Variants in VAV2 observed in about 807,000 individuals in gnomAD.
VAV2 encodes the protein guanine nucleotide exchange factor VAV2.
Under a neutral mutation model 132.5 loss-of-function variants are expected in VAV2, and 67 were observed. That is an observed-to-expected ratio of 0.51 (90% confidence interval 0.42 to 0.62). The LOEUF is 0.62. VAV2 is among the 20% of genes least tolerant of loss of function. The pLI is 0.00. For synonymous variants in VAV2, 492 were observed against 443.5 expected, an observed-to-expected ratio of 1.11 and a Z score of -1.37; for missense variants, 938 against 1,153.6, an observed-to-expected ratio of 0.81 and a Z score of 2.71.
intron 3 of VAV2, among the ~76,000 whole-genome samples, chr9:133,837,359 A>G (rs1836510916): frequency 6.6e-6 from 1 of 152,236 alleles, no homozygotes; most frequent in Non-Finnish European, 1.5e-5. Context: ...TTCCTAACAC[A>G]GAAAGTGAGT....
At chr9:133,799,960 C>G (rs1350330317) in intron 9 of VAV2, among the ~76,000 whole-genome samples, 1 of 152,168 alleles carries the variant, frequency 6.6e-6, no homozygotes, top group Non-Finnish European at 1.5e-5. Context: ...AGAGAATGGT[C>G]AGAGCCATGC....
At chr9:133,819,644 G>A (rs2131727916) in intron 4 of VAV2, among the ~76,000 whole-genome samples, 1 of 152,238 alleles carries the variant, frequency 6.6e-6, no homozygotes, top group South Asian at 2.1e-4. Context: ...CACACCCTTA[G>A]GCTCCCTTCC....
At position 133,772,054 on chromosome 9, in the gene VAV2, AAC is replaced by A. The variant is rs1833645330; in HGVS notation, c.2136-10_2136-9del. 5.6e-6 allele frequency: 6 copies of A among 1,077,268 alleles called. No homozygotes were observed. The highest frequency in any genetic ancestry group is 2.5e-5 in the Admixed American group (1 of 39,492). The allele number at this position is 1,077,268 out of a possible 1,614,324, so 66.7% of individuals were successfully genotyped here. Reference sequence around the variant, plus strand: ...TTCACCTCATCATTGAACCTGAGCAAACACACGGCCCCGGCGGTCACCGCGTG... The same window carrying A: ...TTCACCTCATCATTGAACCTGAGCAAACACGGCCCCGGCGGTCACCGCGTG... On this transcript the variant is annotated splice_polypyrimidine_tract_variant and intron_variant, in intron 25 of 29. Coordinates refer to ENST00000371850, the MANE Select transcript of VAV2 (RefSeq NM_001134398.2).
At chr9:133,956,235 A>C (rs1381524256) in intron 1 of VAV2, among the ~76,000 whole-genome samples, 1 of 152,050 alleles carries the variant, frequency 6.6e-6, no homozygotes, top group Non-Finnish European at 1.5e-5. Flanking sequence ...CAGGTCTGCA[A>C]GTCAGGAACT....
At chr9:133,881,966 C>T (rs1344820886) in intron 2 of VAV2, among the ~76,000 whole-genome samples, 2 of 152,160 alleles carry the variant, frequency 1.3e-5, no homozygotes, top group Non-Finnish European at 2.9e-5. Context: ...AGGTGCCCAG[C>T]GAGTGTGCGG....
intron 29 of VAV2, among the ~76,000 whole-genome samples, chr9:133,767,375 C>T (rs1401230155): frequency 3.9e-5 from 6 of 152,138 alleles, no homozygotes; most frequent in Admixed American, 6.5e-5. Flanking sequence ...AAAGAAAAGA[C>T]GTTTCATAAT....
intron 4 of VAV2, among the ~76,000 whole-genome samples, chr9:133,831,177 T>C (rs1209742905): frequency 6.6e-6 from 1 of 152,116 alleles, no homozygotes; most frequent in Non-Finnish European, 1.5e-5. Context: ...GGCTCACGCC[T>C]GTAATCTCAG....
In VAV2 at chr9:133,885,507, C is replaced by T. The variant is rs1045067384; in HGVS notation, c.322-24075G>A. On this transcript the variant is annotated intron_variant, in intron 2 of 29. Transcript: ENST00000371850. The surrounding 1 kb of genome is among the most constrained non-coding windows in gnomAD (Gnocchi z 5.0). ...CTGCCACTGTGGACTCTGCAAGTGT[C>T]GTATTTACTAATAATGGTGCACCGC... Among the ~76,000 whole-genome samples, 6 of 152,178 alleles carry T rather than the reference C, an allele frequency of 3.9e-5. No homozygotes were observed. The highest frequency in any genetic ancestry group is 1.9e-4 in the East Asian group (1 of 5,196).
intron 2 of VAV2, among the ~76,000 whole-genome samples, chr9:133,865,981 G>C (rs1047784646): frequency 6.6e-6 from 1 of 152,204 alleles, no homozygotes. Context: ...AGCCTGGGAT[G>C]GTCAGCTGCT....
At chr9:133,771,920 G>C in intron 26 of VAV2, 39 bp downstream of exon 26, 1 of 1,586,454 alleles carries the variant, frequency 6.3e-7, no homozygotes, top group Non-Finnish European at 8.7e-7. Context: ...TGTCCCCTGT[G>C]GCTGGGGTGG....
intron 2 of VAV2, among the ~76,000 whole-genome samples, chr9:133,901,833 G>T (rs1839454412): frequency 6.6e-6 from 1 of 152,244 alleles, no homozygotes; most frequent in African/African-American, 2.4e-5. Flanking sequence ...CTTTTCCCAG[G>T]AGACGGGCCG....
chr9:133,844,545 G>C (rs905351511), intron 3 of VAV2, among the ~76,000 whole-genome samples: 2 of 152,222 alleles, frequency 1.3e-5, no homozygotes, highest in African/African-American at 4.8e-5. Flanking sequence ...TCCCTGGCAC[G>C]GCTGCTCCAC....
At chr9:133,845,312 G>A (rs983251751) in intron 3 of VAV2, among the ~76,000 whole-genome samples, 1 of 152,232 alleles carries the variant, frequency 6.6e-6, no homozygotes, top group Non-Finnish European at 1.5e-5. Flanking sequence ...CGCATGGCAC[G>A]CCCAAGGCAA....
Position 133,806,185 on chromosome 9 carries a change from G to A in VAV2, c.736-4C>T. On this transcript the variant is annotated splice_region_variant and splice_polypyrimidine_tract_variant and intron_variant, in intron 8 of 29. Transcript: ENST00000371850. ...TGTGATGCACCTTGATCAGGTCCTG[G>A]GTTGAAAACCAGCCGTGAGTGCCTG... is the stretch of plus-strand genomic sequence containing the variant. The A allele has an allele frequency of 1.9e-6, 3 of 1,610,672 alleles. No individual in the cohort carries two copies. Among genetic ancestry groups the A allele is most frequent in the Non-Finnish European group, 2.5e-6 (3 of 1,179,176 alleles).
chr9:133,920,386 T>C (rs1216035466), intron 2 of VAV2, among the ~76,000 whole-genome samples: 1 of 152,200 alleles, frequency 6.6e-6, no homozygotes, highest in Admixed American at 6.5e-5. Context: ...CCCTGCAGGC[T>C]GGGGCAATCC....
intron 1 of VAV2, among the ~76,000 whole-genome samples, chr9:133,959,085 G>A (rs552432558): frequency 1.6e-4 from 24 of 152,330 alleles, no homozygotes; most frequent in Non-Finnish European, 2.9e-4. Flanking sequence ...AGCAGAGACA[G>A]CCCCAGATGA....
chr9:133,808,806 G>A (rs1835252032), intron 7 of VAV2, among the ~76,000 whole-genome samples: 1 of 152,218 alleles, frequency 6.6e-6, no homozygotes. Flanking sequence ...AAGCTCAGAG[G>A]AGGAGCAGGG....
At chr9:133,767,781 TCA>T (rs1438505148) in intron 29 of VAV2, among the ~76,000 whole-genome samples, 1 of 152,210 alleles carries the variant, frequency 6.6e-6, no homozygotes. Flanking sequence ...AGCTTGCAGC[TCA>T]CAGAGAAAGC....
At position 133,834,537 on chromosome 9, in the gene VAV2, G is replaced by A. The variant is rs1201302765; in HGVS notation, c.381-197C>T. Among the ~76,000 whole-genome samples the A allele has an allele frequency of 1.3e-5, 2 of 152,252 alleles. No homozygotes were observed. Among genetic ancestry groups the A allele is most frequent in the African/African-American group, 2.4e-5 (1 of 41,468 alleles). Reference sequence around the variant, plus strand: ...GAGCCAACTGGGCCATAGGGCAAGAGGAGACCCATGCCTACTTGCCAGGGG... The same window carrying A: ...GAGCCAACTGGGCCATAGGGCAAGAAGAGACCCATGCCTACTTGCCAGGGG... On this transcript the variant is annotated intron_variant, in intron 3 of 29. Coordinates refer to ENST00000371850, the MANE Select transcript of VAV2 (RefSeq NM_001134398.2). This position sits in a 1 kb window ranked among gnomAD's most constrained non-coding sequence, Gnocchi z 5.9.
Sources: allele counts gnomAD v4.1 joint callset (sites outside exome capture counted in the v4.1 genomes callset), GRCh38; gene constraint gnomAD v4.1.1; non-coding constraint Gnocchi (gnomAD v3.1); transcripts MANE v1.5; gene names NCBI Gene and HGNC (gene_info 2026-07-23, HGNC 2026-07-21).